Variants in MARCHF11 observed in about 807,000 individuals in gnomAD.
MARCHF11 encodes the protein E3 ubiquitin-protein ligase MARCHF11.
In MARCHF11, 29 loss-of-function variants were observed where a neutral mutation model predicts 37.3. The observed-to-expected ratio is 0.78, with a 90% CI of 0.58 to 1.06. The LOEUF is 1.06. MARCHF11 is among the 50% of genes least tolerant of loss of function. The pLI, the probability that MARCHF11 is intolerant of heterozygous loss-of-function variation, is 0.00. For synonymous variants in MARCHF11, 233 were observed against 228.0 expected (o/e 1.02, Z -0.20); for missense variants, 482 against 533.4 (o/e 0.90, Z 0.95).
At position 16,179,394 on chromosome 5, in the gene MARCHF11, C is replaced by G. The variant is rs950245961; in HGVS notation, c.182G>C (p.Arg61Pro). 6.2e-4 allele frequency: 707 copies of G among 1,147,672 alleles called. 1 individual carries two copies. Among genetic ancestry groups the G allele is most frequent in the Non-Finnish European group, 7.5e-4 (697 of 934,858 alleles). 71.1% of individuals were successfully genotyped at this position (1,147,672 alleles called of 1,614,324 possible). ...TAGCGGCTCGCTTGGCCCCGCGGCGCGCTCGGGGGTCTCGGGGGACGCGGG... is the reference window on the plus strand; with the variant it reads ...TAGCGGCTCGCTTGGCCCCGCGGCGGGCTCGGGGGTCTCGGGGGACGCGGG... The part of the protein sequence containing the change: ...PLPASPETPE[R>P]AAGPSEPLGE... Residue 61 changes from arginine to proline, a missense_variant, in exon 1 of 4, where the codon CGC becomes CCC. Arg to Pro is a moderately radical substitution (Grantham distance 103). Coordinates refer to ENST00000332432, the MANE Select transcript of MARCHF11 (RefSeq NM_001102562.3).
chr5:16,155,233 A>C (rs922878261), intron 2 of MARCHF11, among the ~76,000 whole-genome samples: 2 of 151,902 alleles, frequency 1.3e-5, no homozygotes, highest in African/African-American at 2.4e-5. Context: ...TTGGTGGAAA[A>C]GAAATGCTAT....
chr5:16,178,957 G>T, intron 1 of MARCHF11, 82 bp downstream of exon 1: 1 of 1,338,964 alleles, frequency 7.5e-7, no homozygotes, highest in Non-Finnish European at 9.6e-7. Flanking sequence ...GGAGGTAGGC[G>T]TGCGCTGTCC....
chr5:16,172,494 A>G (rs1347040237), intron 2 of MARCHF11, among the ~76,000 whole-genome samples: 2 of 152,218 alleles, frequency 1.3e-5, no homozygotes, highest in Non-Finnish European at 2.9e-5. Context: ...AAGTAAGAGC[A>G]GCACTTAGAG....
chr5:16,169,097 G>A (rs12652097), intron 2 of MARCHF11, among the ~76,000 whole-genome samples: 36,239 of 151,934 alleles, frequency 0.24, 4,608 homozygotes, highest in East Asian at 0.43. Context: ...AGGCAAGCCC[G>A]TGTAAGTGTT....
chr5:16,125,410 T>C (rs1399443086), intron 2 of MARCHF11, among the ~76,000 whole-genome samples: 2 of 152,198 alleles, frequency 1.3e-5, no homozygotes, highest in South Asian at 2.1e-4. Flanking sequence ...CCTGGAACTC[T>C]CTATGCGATA....
At chr5:16,108,023 A>G (rs1443358130) in intron 2 of MARCHF11, among the ~76,000 whole-genome samples, 4 of 152,200 alleles carry the variant, frequency 2.6e-5, no homozygotes, top group Non-Finnish European at 5.9e-5. Context: ...ACGCTGGACA[A>G]GAGCTCAGGA....
chr5:16,179,064 T>C lies in MARCHF11; in HGVS notation c.512A>G (p.Lys171Arg), dbSNP rs763153621. 3.0e-5 allele frequency: 45 copies of C among 1,489,994 alleles called. No individual in the cohort carries two copies. Among genetic ancestry groups the C allele is most frequent in the Non-Finnish European group, 3.8e-5 (43 of 1,126,516 alleles). The allele number at this position is 1,489,994 out of a possible 1,614,324, so 92.3% of individuals were successfully genotyped here. ...CTGCTCCGCGCCCTGGAAGCAGATC[T>C]TGCAGATGGGCTGGTGGTGCTGGTG... ...HQHQHHQPIC[K>R]ICFQGAEQGE... Residue 171 changes from lysine to arginine, a missense_variant, in exon 1 of 4, where the codon AAG becomes AGG. Transcript: ENST00000332432.
chr5:16,109,197 A>G (rs1344243273), intron 2 of MARCHF11, among the ~76,000 whole-genome samples: 1 of 151,994 alleles, frequency 6.6e-6, no homozygotes, highest in Non-Finnish European at 1.5e-5. Context: ...TGGAATCTTC[A>G]AAGTGCTAAA....
At chr5:16,084,317 A>C (rs918413924) in intron 3 of MARCHF11, among the ~76,000 whole-genome samples, 3 of 152,216 alleles carry the variant, frequency 2.0e-5, no homozygotes, top group African/African-American at 7.2e-5. Context: ...TAGGACAAAC[A>C]GATTTTTTAA....
At chr5:16,174,758 A>C (rs1197945655) in intron 2 of MARCHF11, among the ~76,000 whole-genome samples, 5 of 152,170 alleles carry the variant, frequency 3.3e-5, no homozygotes, top group African/African-American at 4.8e-5. Context: ...GGACTTTATG[A>C]GGACCAAATG....
chr5:16,144,757 T>A (rs1372766446), intron 2 of MARCHF11, among the ~76,000 whole-genome samples: 2 of 152,162 alleles, frequency 1.3e-5, no homozygotes, highest in Admixed American at 6.5e-5. Flanking sequence ...GTGCAAACAC[T>A]GTGATTAAAA....
At chr5:16,088,022 G>A (rs1387730489) in intron 3 of MARCHF11, among the ~76,000 whole-genome samples, 1 of 152,204 alleles carries the variant, frequency 6.6e-6, no homozygotes, top group Non-Finnish European at 1.5e-5. Context: ...TGGAAAGCTT[G>A]GACAGACAGG....
intron 2 of MARCHF11, among the ~76,000 whole-genome samples, chr5:16,123,816 G>A (rs759754473): frequency 1.5e-4 from 23 of 152,220 alleles, no homozygotes; most frequent in Admixed American, 1.3e-4. Context: ...TTTAACATGT[G>A]CTCCCTTGCT....
chr5:16,112,984 G>A (rs188249595), intron 2 of MARCHF11, among the ~76,000 whole-genome samples: 31 of 152,066 alleles, frequency 2.0e-4, no homozygotes, highest in South Asian at 6.2e-4. Flanking sequence ...CCTCTTTTTC[G>A]TCGTAAATTA....
chr5:16,111,572 A>C (rs1352958694), intron 2 of MARCHF11, among the ~76,000 whole-genome samples: 2 of 152,216 alleles, frequency 1.3e-5, no homozygotes, highest in East Asian at 3.9e-4. Context: ...AAAAGCATTC[A>C]GTTTTAAAAG....
At chr5:16,168,386 T>TTAGTTGTAA (rs1257485476) in intron 2 of MARCHF11, among the ~76,000 whole-genome samples, 2 of 152,062 alleles carry the variant, frequency 1.3e-5, no homozygotes, top group African/African-American at 4.8e-5. Flanking sequence ...TCTGGCACAG[T>TTAGTTGTAA]TAGTTGTAAT....
intron 3 of MARCHF11, among the ~76,000 whole-genome samples, chr5:16,090,470 A>T (rs561186967): frequency 6.6e-6 from 1 of 152,160 alleles, no homozygotes; most frequent in African/African-American, 2.4e-5. Context: ...ATGATGTAAG[A>T]CATCGAGATG....
chr5:16,087,306 A>G (rs1736715850), intron 3 of MARCHF11, among the ~76,000 whole-genome samples: 1 of 152,230 alleles, frequency 6.6e-6, no homozygotes, highest in Non-Finnish European at 1.5e-5. Flanking sequence ...ACTCTTGGCA[A>G]TCACACATAC....
At chr5:16,169,515 G>A (rs1264843733) in intron 2 of MARCHF11, among the ~76,000 whole-genome samples, 2 of 152,098 alleles carry the variant, frequency 1.3e-5, no homozygotes, top group Admixed American at 6.5e-5. Flanking sequence ...GGGAAGGATG[G>A]AATAAGAAAT....
Sources: gnomAD v4.1 joint callset for allele counts (sites outside exome capture counted in the v4.1 genomes callset) on GRCh38, gnomAD v4.1.1 for gene constraint, MANE v1.5 for transcripts, NCBI Gene and HGNC (gene_info 2026-07-23, HGNC 2026-07-21) for gene names.